NKD1: variants seen among roughly 807,000 people sequenced by gnomAD.
The protein encoded by NKD1 is NKD inhibitor of Wnt signaling pathway 1.
Under a neutral mutation model 56.0 loss-of-function variants are expected in NKD1, and 21 were observed. The observed-to-expected ratio is 0.38, with a 90% confidence interval of 0.27 to 0.54. The LOEUF (loss-of-function observed/expected upper bound fraction) is 0.54, where lower values mean the gene tolerates loss of function less well. Ranked by LOEUF, NKD1 falls within the 20% of genes least tolerant of loss-of-function variation. NKD1 has a pLI of 0.82. For synonymous variants in NKD1, 263 were observed against 265.7 expected (o/e 0.99, Z 0.10); for missense variants, 578 against 642.7 (o/e 0.90, Z 1.09).
In NKD1 at chr16:50,630,270, G is replaced by T. The variant is rs755315063; in HGVS notation, c.547G>T (p.Val183Leu). 2.4e-5 allele frequency: 39 copies of T among 1,614,210 alleles called. No homozygotes were observed. The highest frequency in any genetic ancestry group is 3.2e-5 in the Non-Finnish European group (38 of 1,180,036). Residue 183 changes from valine to leucine, a missense_variant, in exon 7 of 10, where the codon GTA becomes TTA. Val to Leu is a conservative substitution (Grantham distance 32). Transcript: ENST00000268459. ...CCCAACATCCAGCAAGATGCTGCGG[G>T]TAAAGCTCACCGTGGCCCCCGATGG... ...HSPTSSKMLR[V>L]KLTVAPDGSQ...
chr16:50,630,301 A>G lies in NKD1; in HGVS notation c.578A>G (p.Gln193Arg), dbSNP rs1285961823. 1 of 1,614,226 alleles carries G rather than the reference A, an allele frequency of 6.2e-7. No homozygotes were observed. Among genetic ancestry groups the G allele is most frequent in the African/African-American group, 1.3e-5 (1 of 75,068 alleles). ...VKLTVAPDGS[Q>R]SKRSVLVNQA... ...CTCACCGTGGCCCCCGATGGCAGCC[A>G]GAGCAAGAGGAGCGTCCTTGTCAAT... is the stretch of plus-strand genomic sequence containing the variant. The change falls in exon 7 of 10, where the codon CAG (glutamine) becomes CGG (arginine). Residue 193 changes from glutamine to arginine, a missense_variant. Transcript: ENST00000268459.
At position 50,621,635 on chromosome 16, in the gene NKD1, G is replaced by T. The variant is rs202122626; in HGVS notation, c.293G>T (p.Gly98Val). 1.9e-6 allele frequency: 3 copies of T among 1,614,026 alleles called. No homozygotes were observed. The East Asian group carries it at 6.7e-5, about 36-fold the overall frequency. ...CCTCCTGAGAAGACTGACGGGCTGGGCAGCGGAGATGAGAAGAAGATGGAG... is the reference window on the plus strand; with the variant it reads ...CCTCCTGAGAAGACTGACGGGCTGGTCAGCGGAGATGAGAAGAAGATGGAG... Reference protein sequence around the residue: ...ALPPEKTDGLGSGDEKKMERV... With the variant: ...ALPPEKTDGLVSGDEKKMERV... The change falls in exon 5 of 10, where the codon GGC becomes GTC. Residue 98 changes from glycine (G) to valine (V), a missense_variant. By Grantham distance (109) the Gly-to-Val change is moderately radical (BLOSUM62 -3). Transcript: ENST00000268459.
In NKD1 at chr16:50,632,273, T is replaced by C; in HGVS notation, c.696-8T>C. 1 of 1,614,024 alleles carries C rather than the reference T, an allele frequency of 6.2e-7. No homozygotes were observed. Among genetic ancestry groups the C allele is most frequent in the Non-Finnish European group, 8.5e-7 (1 of 1,179,900 alleles). ...TGTTATCCCACTCACTTGCCTCCCCTGCCGTAGGTTCCAGGGTGACAGCCG... is the reference window on the plus strand; with the variant it reads ...TGTTATCCCACTCACTTGCCTCCCCCGCCGTAGGTTCCAGGGTGACAGCCG... On this transcript the variant is annotated splice_polypyrimidine_tract_variant and splice_region_variant and intron_variant, in intron 8 of 9. Transcript: ENST00000268459. This position sits in a 1 kb window ranked among gnomAD's most constrained non-coding sequence, Gnocchi z 4.1.
At chr16:50,561,074 G>C (rs905189898) in intron 3 of NKD1, among the ~76,000 whole-genome samples, 1 of 152,066 alleles carries the variant, frequency 6.6e-6, no homozygotes, top group Non-Finnish European at 1.5e-5. Flanking sequence ...TTTTGGGCCT[G>C]GGTCAGTGCT....
chr16:50,623,173 G>A lies in NKD1; in HGVS notation c.366+1465G>A, dbSNP rs1962131647. ...TGAGTGGCGTGATGTGGCCTGTGCT[G>A]GATGGTGGGACATGGGGGAGACGCC... On this transcript the variant is annotated intron_variant, in intron 5 of 9. Transcript: ENST00000268459. The surrounding 1 kb of genome is among the most constrained non-coding windows in gnomAD (Gnocchi z 4.1). Among the ~76,000 whole-genome samples, 1 of 152,024 alleles carries A rather than the reference G, an allele frequency of 6.6e-6. No individual in the cohort carries two copies. The highest frequency in any genetic ancestry group is 6.5e-5 in the Admixed American group (1 of 15,282).
intron 3 of NKD1, chr16:50,574,005 T>C (rs1026214662): frequency 1.0e-6 from 1 of 957,268 alleles, no homozygotes; most frequent in African/African-American, 1.8e-5. Flanking sequence ...TGTCTATATA[T>C]ACATAGAAAT....
chr16:50,623,783 A>C lies in NKD1; in HGVS notation c.367-1702A>C, dbSNP rs1210232594. Reference sequence around the variant, plus strand: ...TGTGTGTACACAGGTATGTGAGCGTAGGATGTGCACGTATAGGGGTATACC... The same window carrying C: ...TGTGTGTACACAGGTATGTGAGCGTCGGATGTGCACGTATAGGGGTATACC... On this transcript the variant is annotated intron_variant, in intron 5 of 9. Transcript: ENST00000268459. The surrounding 1 kb of genome is among the most constrained non-coding windows in gnomAD (Gnocchi z 4.1). 2.8e-5 allele frequency among the ~76,000 whole-genome samples: 4 copies of C among 145,260 alleles called. No individual in the cohort carries two copies. The highest frequency in any genetic ancestry group is 6.0e-5 in the Non-Finnish European group (4 of 66,590).
chr16:50,572,006 G>A lies in NKD1; in HGVS notation c.192+22451G>A, dbSNP rs190493562. Reference sequence around the variant, plus strand: ...AACACACCCATCACATGCCCAACTCGGGGCCTTTGCACGCTCTATTCCTGC... The same window carrying A: ...AACACACCCATCACATGCCCAACTCAGGGCCTTTGCACGCTCTATTCCTGC... On this transcript the variant is annotated intron_variant, in intron 3 of 9. Transcript: ENST00000268459. Among the ~76,000 whole-genome samples, 197 of 152,234 alleles carry A rather than the reference G, an allele frequency of 1.3e-3. 2 individuals carry two copies. The highest frequency in any genetic ancestry group is 1.5e-3 in the Non-Finnish European group (100 of 68,014).
intron 4 of NKD1, among the ~76,000 whole-genome samples, chr16:50,608,819 C>G (rs118118048): frequency 0.029 from 4,491 of 152,270 alleles, 107 homozygotes; most frequent in Non-Finnish European, 0.042. Flanking sequence ...TTTCACCTCT[C>G]TCCTCTGTTG....
chr16:50,594,121 T>G (rs924240723), intron 3 of NKD1, among the ~76,000 whole-genome samples: 26 of 139,624 alleles, frequency 1.9e-4, no homozygotes, highest in Middle Eastern at 3.5e-3. Context: ...TGAATTAGGC[T>G]CTGAAAGATG....
At chr16:50,550,035 C>T (rs1348997325) in intron 3 of NKD1, among the ~76,000 whole-genome samples, 1 of 152,078 alleles carries the variant, frequency 6.6e-6, no homozygotes, top group Non-Finnish European at 1.5e-5. Context: ...GTAGAGCAGG[C>T]GGCCCTCTGG....
intron 3 of NKD1, chr16:50,571,593 G>T: frequency 1.1e-6 from 1 of 920,478 alleles, no homozygotes. Flanking sequence ...GAGGCATCCT[G>T]GGGGGTCATT....
intron 3 of NKD1, among the ~76,000 whole-genome samples, chr16:50,561,679 A>T (rs1960637665): frequency 6.6e-6 from 1 of 152,130 alleles, no homozygotes. Flanking sequence ...CTTTCCCAAG[A>T]GTATAGAAGC....
chr16:50,608,257 AAC>A, intron 3 of NKD1, 35 bp from the exon 4 acceptor site: 1 of 1,492,356 alleles, frequency 6.7e-7, no homozygotes, highest in South Asian at 1.1e-5. Context: ...GGGCTCCCCC[AAC>A]CCCTGCTCAA....
intron 3 of NKD1, among the ~76,000 whole-genome samples, chr16:50,568,722 C>T (rs2151266063): frequency 6.6e-6 from 1 of 152,226 alleles, no homozygotes; most frequent in Admixed American, 6.5e-5. Context: ...GAGCTCCAGT[C>T]AGCACCTCTG....
chr16:50,609,308 G>A (rs762241879), intron 4 of NKD1, among the ~76,000 whole-genome samples: 2 of 152,270 alleles, frequency 1.3e-5, no homozygotes, highest in Non-Finnish European at 2.9e-5. Flanking sequence ...GGCTCCCAGA[G>A]TTGGTGCCAG....
Position 50,633,150 on chromosome 16 carries a change from C to T in NKD1, c.824-42C>T. On this transcript the variant is annotated intron_variant, in intron 9 of 9. Transcript: ENST00000268459. The surrounding 1 kb of genome is among the most constrained non-coding windows in gnomAD (Gnocchi z 4.9). ...CTGGGGTATAGCGCAAGCCCCAGCA[C>T]ACAGTAGGTGCTCATTAAATGTCTG... is the stretch of plus-strand genomic sequence containing the variant. 6.5e-7 allele frequency: 1 copy of T among 1,549,340 alleles called. No homozygotes were observed.
Position 50,598,187 on chromosome 16 carries a change from A to G in NKD1, c.193-10107A>G, listed in dbSNP as rs1961513941. ...AGTGGGTAGGAGCATGGCTTCTGCAAGATGGTTTCTCCAGGGCACTGCAGG... is the reference window on the plus strand; with the variant it reads ...AGTGGGTAGGAGCATGGCTTCTGCAGGATGGTTTCTCCAGGGCACTGCAGG... On this transcript the variant is annotated intron_variant, in intron 3 of 9. Transcript: ENST00000268459. The surrounding 1 kb of genome is among the most constrained non-coding windows in gnomAD (Gnocchi z 4.2). Among the ~76,000 whole-genome samples the G allele has an allele frequency of 6.6e-6, 1 of 151,706 alleles. No homozygotes were observed. The highest frequency in any genetic ancestry group is 6.6e-5 in the Admixed American group (1 of 15,258).
chr16:50,568,458 A>G (rs1042755085), intron 3 of NKD1, among the ~76,000 whole-genome samples: 6 of 152,240 alleles, frequency 3.9e-5, no homozygotes, highest in African/African-American at 1.4e-4. Context: ...GGATAACAGC[A>G]GGACCTGCCT....
Sources: allele counts gnomAD v4.1 joint callset (sites outside exome capture counted in the v4.1 genomes callset), GRCh38; gene constraint gnomAD v4.1.1; non-coding constraint Gnocchi (gnomAD v3.1); transcripts MANE v1.5; gene names NCBI Gene and HGNC (gene_info 2026-07-23, HGNC 2026-07-21).